MACF1: variants seen among roughly 807,000 people sequenced by gnomAD.
MACF1 encodes microtubule-actin cross-linking factor 1.
Under a neutral mutation model 854.8 loss-of-function variants are expected in MACF1, and 193 were observed. The ratio of observed to expected loss-of-function variants is 0.23; its 90% CI spans 0.20 to 0.25. MACF1 has a LOEUF of 0.25. MACF1 is among the 10% of genes least tolerant of loss of function. The pLI, the probability that MACF1 is intolerant of heterozygous loss-of-function variation, is 1.00. For missense variants in MACF1, 7,722 were observed against 8,929.1 expected (o/e 0.86, Z 5.45); for synonymous variants, 3,185 against 3,226.7 (o/e 0.99, Z 0.44).
chr1:39,315,715 C>A, intron 27 of MACF1, 24 bp downstream of exon 27: 1 of 1,607,426 alleles, frequency 6.2e-7, no homozygotes, highest in African/African-American at 1.3e-5. Context: ...GGTTTTGGGT[C>A]CAAGAGCAAT....
At chr1:39,233,342 T>A (rs900022401) in intron 2 of MACF1, among the ~76,000 whole-genome samples, 1 of 152,184 alleles carries the variant, frequency 6.6e-6, no homozygotes, top group Non-Finnish European at 1.5e-5. Context: ...CCAACCCAGG[T>A]CTTTCTTGTT....
At chr1:39,323,853 G>T (rs1461499034) in intron 33 of MACF1, among the ~76,000 whole-genome samples, 1 of 152,106 alleles carries the variant, frequency 6.6e-6, no homozygotes, top group African/African-American at 2.4e-5. Context: ...TCTTCTTACA[G>T]ATTCACCTGT....
rs12098026 is a variant in MACF1 at position 39,092,954 on chromosome 1, T to A, written c.220+8516T>A. On this transcript the variant is annotated intron_variant, in intron 2 of 93. Transcript: ENST00000361689. ...CCTGACACCATGCCCAGCTAATTTT[T>A]TTGTATTTTTTAGTAGAGACGGGGT... 3.7e-3 allele frequency among the ~76,000 whole-genome samples: 567 copies of A among 152,134 alleles called. 3 individuals are homozygous for A. The highest frequency in any genetic ancestry group is 0.013 in the African/African-American group (549 of 41,500).
At chr1:39,352,952 G>T (rs1202300104) in intron 43 of MACF1, 55 bp from the exon 44 acceptor site, 7 of 1,288,510 alleles carry the variant, frequency 5.4e-6, no homozygotes, top group Admixed American at 1.7e-5. Flanking sequence ...TTAACCTGTG[G>T]TTGTATGATT....
rs200157842 is a variant in MACF1 at position 39,350,875 on chromosome 1, C to G, written c.11056C>G (p.Leu3686Val). 1,228 of 1,613,970 alleles carry G rather than the reference C, an allele frequency of 7.6e-4. 8 individuals are homozygous for G. The highest frequency in any genetic ancestry group is 4.3e-4 in the Non-Finnish European group (508 of 1,179,996). ...EGFMEENQTKLSPRELTALRE... is the reference protein window; with the variant it reads ...EGFMEENQTKVSPRELTALRE... Reference sequence around the variant, plus strand: ...GTTCATGGAAGAGAATCAGACCAAGCTGAGCCCACGTGAGTTGACAGCTCT... The same window carrying G: ...GTTCATGGAAGAGAATCAGACCAAGGTGAGCCCACGTGAGTTGACAGCTCT... The change falls in exon 43 of 101, where the codon CTG (leucine) becomes GTG (valine). Residue 3686 changes from leucine (L) to valine (V), a missense_variant. Coordinates refer to ENST00000564288, the MANE Select transcript of MACF1 (RefSeq NM_001394062.1).
At chr1:39,479,356 T>C (rs1644972885) in intron 97 of MACF1, among the ~76,000 whole-genome samples, 1 of 152,168 alleles carries the variant, frequency 6.6e-6, no homozygotes, top group Non-Finnish European at 1.5e-5. Context: ...CTAGACAATA[T>C]CGATTTCAGT....
In MACF1 at chr1:39,330,895, G is replaced by T. The variant is rs182281519; in HGVS notation, c.4615-308G>T. The stretch of plus-strand genomic sequence containing the variant: ...CAGCTCACTACAACCTCCACCTCCC[G>T]GGTTCAAGCCATTCTCCTGCTTCAG... On this transcript the variant is annotated intron_variant, in intron 36 of 100. Coordinates refer to ENST00000564288, the MANE Select transcript of MACF1 (RefSeq NM_001394062.1). Among the ~76,000 whole-genome samples the T allele has an allele frequency of 3.6e-4, 54 of 151,218 alleles. 1 individual carries two copies. The highest frequency in any genetic ancestry group is 1.3e-3 in the African/African-American group (52 of 41,136).
chr1:39,361,752 C>T (rs1648203194), intron 49 of MACF1, 75 bp downstream of exon 49: 2 of 1,380,312 alleles, frequency 1.4e-6, no homozygotes, highest in African/African-American at 2.9e-5. Flanking sequence ...TTGCTGAGCG[C>T]ATACTACATC....
At chr1:39,271,149 T>C (rs1452979646) in intron 6 of MACF1, among the ~76,000 whole-genome samples, 1 of 152,182 alleles carries the variant, frequency 6.6e-6, no homozygotes, top group African/African-American at 2.4e-5. Context: ...TTGCTATAAA[T>C]AAATACCTGA....
At chr1:39,138,057 G>A (rs60674758) in intron 2 of MACF1, among the ~76,000 whole-genome samples, 3,250 of 126,522 alleles carry the variant, frequency 0.026, 69 homozygotes, top group East Asian at 0.15. Flanking sequence ...CTGGGTAACA[G>A]TCGAGACTCC....
At chr1:39,394,274 GATTT>G (rs372020854) in intron 58 of MACF1, among the ~76,000 whole-genome samples, 10,745 of 142,684 alleles carry the variant, frequency 0.075, 519 homozygotes, top group African/African-American at 0.16. Context: ...TTGATTGATT[GATTT>G]ATTGCCACAT....
chr1:39,348,462 G>A (rs1213411504), intron 41 of MACF1, among the ~76,000 whole-genome samples: 1 of 152,130 alleles, frequency 6.6e-6, no homozygotes. Context: ...CTCAATATTT[G>A]CCTTGGATGT....
At chr1:39,421,032 A>G (rs948307371) in intron 58 of MACF1, among the ~76,000 whole-genome samples, 1 of 151,796 alleles carries the variant, frequency 6.6e-6, no homozygotes, top group Non-Finnish European at 1.5e-5. Flanking sequence ...TGCCCGTCTA[A>G]TTTTTTGTAT....
Position 39,349,467 on chromosome 1 carries a change from A to C in MACF1, c.10816-11A>C, listed in dbSNP as rs563323587. ...ACGAAATGTCTCTTGACCCCTTTGC[A>C]TTTTAATTAGACCCTGCAGAAACAA... On this transcript the variant is annotated splice_polypyrimidine_tract_variant and intron_variant, in intron 41 of 100. Transcript: ENST00000564288. The C allele has an allele frequency of 6.2e-7, 1 of 1,604,054 alleles. No individual in the cohort carries two copies. Among genetic ancestry groups the C allele is most frequent in the East Asian group, 2.2e-5 (1 of 44,738 alleles).
At chr1:39,237,718 CTTT>C (rs113548845) in intron 2 of MACF1, among the ~76,000 whole-genome samples, 2 of 140,956 alleles carry the variant, frequency 1.4e-5, no homozygotes, top group Non-Finnish European at 1.6e-5. Flanking sequence ...CCAGCTGATT[CTTT>C]TTTTTTTTTT....
rs772960361 is a variant in MACF1 at position 39,283,350 on chromosome 1, CCTT to C, written c.809-53_809-51del. On this transcript the variant is annotated intron_variant, in intron 8 of 100. Coordinates refer to ENST00000564288, the MANE Select transcript of MACF1 (RefSeq NM_001394062.1). This position sits in a 1 kb window ranked among gnomAD's most constrained non-coding sequence, Gnocchi z 4.5. ...GAGTAAGGAACACGTATTCAGTATT[CCTT>C]CTTCTGGCAAGTTCCTTTGTTCTGA... is the stretch of plus-strand genomic sequence containing the variant. 1.3e-6 allele frequency: 2 copies of C among 1,582,716 alleles called. No homozygotes were observed. The highest frequency in any genetic ancestry group is 1.7e-6 in the Non-Finnish European group (2 of 1,151,452).
At chr1:39,417,736 T>G (rs989080057) in intron 58 of MACF1, among the ~76,000 whole-genome samples, 4 of 122,078 alleles carry the variant, frequency 3.3e-5, no homozygotes, top group African/African-American at 1.4e-4. Flanking sequence ...TTTTTTTTTT[T>G]TTTTTTTTTT....
rs756263836 is a variant in MACF1, at chr1:39,250,104, G to GTGA, written c.261+2_261+4dup. On this transcript the variant is annotated splice_donor_variant, in intron 3 of 100. Transcript: ENST00000564288. LOFTEE classifies it high-confidence loss of function. The stretch of plus-strand genomic sequence containing the variant: ...GGAGGTCCTCTCAGGCATCAAACTG[G>GTGA]TGAGCTTCTCCTAATGAATGGCCTC... 1 of 1,606,768 alleles carries GTGA rather than the reference G, an allele frequency of 6.2e-7. No individual in the cohort carries two copies. Among genetic ancestry groups the GTGA allele is most frequent in the Non-Finnish European group, 8.5e-7 (1 of 1,173,630 alleles).
intron 2 of MACF1, among the ~76,000 whole-genome samples, chr1:39,246,724 G>A (rs990018070): frequency 1.3e-4 from 20 of 151,856 alleles, no homozygotes; most frequent in Admixed American, 7.2e-4. Flanking sequence ...TGGCCAGACT[G>A]GTCTCGAACT....
Sources: allele counts gnomAD v4.1 joint callset (sites outside exome capture counted in the v4.1 genomes callset), GRCh38; gene constraint gnomAD v4.1.1; non-coding constraint Gnocchi (gnomAD v3.1); transcripts MANE v1.5; gene names NCBI Gene and HGNC (gene_info 2026-07-23, HGNC 2026-07-21).